ATF6: variants seen among roughly 807,000 people sequenced by gnomAD.
ATF6 encodes cyclic AMP-dependent transcription factor ATF-6 alpha.
In ATF6, 53 loss-of-function variants were observed where a neutral mutation model predicts 83.6. That is an observed-to-expected ratio of 0.63 (90% CI 0.51 to 0.80). ATF6 has a LOEUF of 0.80. Ranked by LOEUF, ATF6 falls within the 30% of genes least tolerant of loss-of-function variation. The pLI, the probability that ATF6 is intolerant of heterozygous loss-of-function variation, is 0.00. For synonymous variants in ATF6, 288 were observed against 285.8 expected (o/e 1.01, Z -0.08); for missense variants, 744 against 797.9 (o/e 0.93, Z 0.81).
chr1:161,794,707 G>A (rs956183035), intron 6 of ATF6, among the ~76,000 whole-genome samples: 3 of 152,086 alleles, frequency 2.0e-5, no homozygotes, highest in African/African-American at 7.2e-5. Context: ...GAATTCTCTT[G>A]TTTTTCCTAG....
At chr1:161,820,482 G>T (rs531563821) in intron 8 of ATF6, among the ~76,000 whole-genome samples, 20 of 152,360 alleles carry the variant, frequency 1.3e-4, no homozygotes, top group Non-Finnish European at 1.0e-4. Context: ...GTCGGGCGTG[G>T]TGGCTCACGC....
At chr1:161,958,413 A>G (rs748500754) in intron 15 of ATF6, 33 bp from the exon 16 acceptor site, 16 of 1,551,784 alleles carry the variant, frequency 1.0e-5, no homozygotes, top group Admixed American at 1.8e-5. Flanking sequence ...ATTCTGTTGA[A>G]TATTTATTCT....
intron 7 of ATF6, among the ~76,000 whole-genome samples, chr1:161,815,083 A>G (rs1024555736): frequency 2.0e-5 from 3 of 152,112 alleles, no homozygotes; most frequent in East Asian, 3.8e-4. Context: ...CAGCAAGTCA[A>G]TGATTACCAT....
intron 6 of ATF6, among the ~76,000 whole-genome samples, chr1:161,797,201 A>G (rs1685043183): frequency 6.6e-6 from 1 of 152,188 alleles, no homozygotes; most frequent in African/African-American, 2.4e-5. Context: ...TAGCAAGTCC[A>G]CAGCCAACAT....
intron 14 of ATF6, among the ~76,000 whole-genome samples, chr1:161,868,778 T>A (rs1192097503): frequency 6.7e-6 from 1 of 149,864 alleles, no homozygotes; most frequent in Non-Finnish European, 1.5e-5. Flanking sequence ...GTTTTGTCCA[T>A]TTATGATTTG....
At chr1:161,777,241 CTATA>C (rs1484728644) in intron 1 of ATF6, among the ~76,000 whole-genome samples, 1 of 152,154 alleles carries the variant, frequency 6.6e-6, no homozygotes, top group Non-Finnish European at 1.5e-5. Context: ...GAGTTTCAGC[CTATA>C]TATAAGCCGC....
intron 15 of ATF6, among the ~76,000 whole-genome samples, chr1:161,935,259 C>T (rs539633388): frequency 1.3e-5 from 2 of 152,182 alleles, no homozygotes; most frequent in African/African-American, 2.4e-5. Flanking sequence ...GTAAACTAAG[C>T]GTTTGTAGCC....
chr1:161,947,817 T>C (rs1688780927), intron 15 of ATF6, among the ~76,000 whole-genome samples: 1 of 51,564 alleles, frequency 1.9e-5, no homozygotes, highest in Non-Finnish European at 5.6e-5. Context: ...CGCCTTTTTT[T>C]TTTTTTTTTT....
chr1:161,810,453 C>T (rs774230259), intron 7 of ATF6, among the ~76,000 whole-genome samples: 1 of 152,158 alleles, frequency 6.6e-6, no homozygotes, highest in Non-Finnish European at 1.5e-5. Context: ...GGCTCCTCCC[C>T]CAACATTGGG....
chr1:161,821,736 G>C (rs1557978933), intron 9 of ATF6, among the ~76,000 whole-genome samples: 1 of 152,186 alleles, frequency 6.6e-6, no homozygotes, highest in Non-Finnish European at 1.5e-5. Context: ...CTAGCTTTTA[G>C]GTGGAGGGTA....
In ATF6 at chr1:161,768,451, A is replaced by C. The variant is rs376530801; in HGVS notation, c.82+2009A>C. On this transcript the variant is annotated intron_variant, in intron 1 of 15. Coordinates refer to ENST00000367942, the MANE Select transcript of ATF6 (RefSeq NM_007348.4). ...ATTCCTTAGGTGTTCAGTAAGTAGG[A>C]TAGATTTTGTTGGCAATAGAGTGAA... Among the ~76,000 whole-genome samples the C allele has an allele frequency of 3.8e-4, 58 of 152,160 alleles. 1 individual carries two copies. The South Asian group carries it at 4.8e-3, about 13-fold the overall frequency.
chr1:161,926,012 C>T (rs1478878288), intron 15 of ATF6, among the ~76,000 whole-genome samples: 1 of 152,098 alleles, frequency 6.6e-6, no homozygotes, highest in Non-Finnish European at 1.5e-5. Context: ...TCATCATGGC[C>T]TTGTGTAGGA....
chr1:161,814,173 C>A lies in ATF6; in HGVS notation c.910-5460C>A, dbSNP rs183828454. 1.1e-3 allele frequency among the ~76,000 whole-genome samples: 162 copies of A among 152,264 alleles called. 2 individuals are homozygous for A. Among genetic ancestry groups the A allele is most frequent in the Non-Finnish European group, 1.9e-3 (127 of 68,012 alleles). On this transcript the variant is annotated intron_variant, in intron 7 of 15. Coordinates refer to ENST00000367942, the MANE Select transcript of ATF6 (RefSeq NM_007348.4). ...TGCTGGGATTACAGGCGTGAGCCAC[C>A]GCGCCCGGCCTCCATCAAGTATTTC...
intron 12 of ATF6, among the ~76,000 whole-genome samples, chr1:161,857,891 A>G (rs1686798331): frequency 6.6e-6 from 1 of 152,218 alleles, no homozygotes. Context: ...GATTGACTGC[A>G]GTAACTGATA....
At chr1:161,780,845 G>T (rs1684620096) in intron 2 of ATF6, among the ~76,000 whole-genome samples, 1 of 152,054 alleles carries the variant, frequency 6.6e-6, no homozygotes, top group Non-Finnish European at 1.5e-5. Context: ...GAATAGCTGG[G>T]ACCGTAGGTG....
intron 14 of ATF6, among the ~76,000 whole-genome samples, chr1:161,876,085 A>T (rs1687211066): frequency 6.6e-6 from 1 of 151,956 alleles, no homozygotes; most frequent in Admixed American, 6.6e-5. Context: ...TTGTTTCAAG[A>T]TAAATGATGA....
chr1:161,916,287 A>T (rs573449602), intron 15 of ATF6, among the ~76,000 whole-genome samples: 1 of 152,174 alleles, frequency 6.6e-6, no homozygotes, highest in South Asian at 2.1e-4. Context: ...AAAAATTTCA[A>T]ATCTATAGAA....
chr1:161,841,930 G>A (rs1048486262), intron 9 of ATF6, among the ~76,000 whole-genome samples: 3 of 152,158 alleles, frequency 2.0e-5, no homozygotes, highest in African/African-American at 7.2e-5. Context: ...TAAGCTCAAA[G>A]CATTTGCCTG....
At chr1:161,894,521 CTTTTTTTTTTTTTTTTTT>C (rs71093131) in intron 14 of ATF6, among the ~76,000 whole-genome samples, 989 of 44,900 alleles carry the variant, frequency 0.022, 16 homozygotes, top group Middle Eastern at 0.077. Context: ...GTTTTGTAGT[CTTTTTTTTTTTTTTTTTT>C]TTTTTTTTTT....
Sources: allele counts gnomAD v4.1 joint callset (sites outside exome capture counted in the v4.1 genomes callset), GRCh38; gene constraint gnomAD v4.1.1; transcripts MANE v1.5; gene names NCBI Gene and HGNC (gene_info 2026-07-23, HGNC 2026-07-21).